The following SPAST variants were observed in gnomAD, a reference collection of about 807,000 sequenced individuals.
The protein encoded by SPAST is spastic paraplegia 4 (autosomal dominant; spastin).
In SPAST, 30 loss-of-function variants were observed where a neutral mutation model predicts 76.6. That is an observed-to-expected ratio of 0.39 (90% CI 0.29 to 0.53). SPAST has a LOEUF of 0.53. Ranked by LOEUF, SPAST falls within the 20% of genes least tolerant of loss-of-function variation. SPAST has a pLI of 0.68. For missense variants in SPAST, 717 were observed against 770.5 expected, an observed-to-expected ratio of 0.93 and a Z score of 0.82; for synonymous variants, 305 against 281.0, an observed-to-expected ratio of 1.09 and a Z score of -0.86.
At chr2:32,091,298 C>A (rs184700609) in intron 3 of SPAST, among the ~76,000 whole-genome samples, 5 of 127,060 alleles carry the variant, frequency 3.9e-5, no homozygotes, top group Admixed American at 8.1e-5. Flanking sequence ...TATTATTATT[C>A]GAGATGGAGT....
At chr2:32,084,524 A>G (rs1269927695) in intron 1 of SPAST, among the ~76,000 whole-genome samples, 1 of 152,136 alleles carries the variant, frequency 6.6e-6, no homozygotes, top group Non-Finnish European at 1.5e-5. Flanking sequence ...GGGGACAGGT[A>G]GAAAAATGTT....
At chr2:32,151,364 T>C (rs528930165) in intron 16 of SPAST, among the ~76,000 whole-genome samples, 1 of 152,302 alleles carries the variant, frequency 6.6e-6, no homozygotes, top group Non-Finnish European at 1.5e-5. Flanking sequence ...GCACTTAAAG[T>C]AGCTGGCACG....
At chr2:32,076,733 A>G (rs1316091133) in intron 1 of SPAST, among the ~76,000 whole-genome samples, 1 of 151,920 alleles carries the variant, frequency 6.6e-6, no homozygotes, top group East Asian at 1.9e-4. Flanking sequence ...GTAGTCCTTA[A>G]ATGAAATGGA....
Position 32,067,304 on chromosome 2 carries a change from C to T in SPAST, c.415+3058C>T, listed in dbSNP as rs560493855. 6.6e-5 allele frequency among the ~76,000 whole-genome samples: 10 copies of T among 152,182 alleles called. No homozygotes were observed. In the East Asian group the frequency reaches 1.2e-3, roughly 18 times the overall value. On this transcript the variant is annotated intron_variant, in intron 1 of 16. Transcript: ENST00000315285. ...TTCGAGCTCCTGACCTCAAGTGAAC[C>T]GCCCTCCTTGGCCTCCCAAAGTGCT...
Position 32,157,194 on chromosome 2 carries a change from G to A in SPAST, c.*2698G>A, listed in dbSNP as rs1047373120. The A allele has an allele frequency of 6.6e-6, 1 of 152,530 alleles. No homozygotes were observed. Among genetic ancestry groups the A allele is most frequent in the Non-Finnish European group, 1.5e-5 (1 of 67,996 alleles). 9.4% of individuals were successfully genotyped at this position (152,530 alleles called of 1,614,324 possible). The stretch of plus-strand genomic sequence containing the variant: ...CTTCATGTTAATATGGCAGAGTTTT[G>A]TAAACTAAATTAAAACTTACTGATA... On this transcript the variant is annotated 3_prime_UTR_variant, in exon 17 of 17. Transcript: ENST00000315285.
intron 12 of SPAST, among the ~76,000 whole-genome samples, chr2:32,140,039 T>C (rs1679666428): frequency 6.6e-6 from 1 of 152,296 alleles, no homozygotes; most frequent in South Asian, 2.1e-4. Flanking sequence ...TTAATTTTTT[T>C]CCCTAGTTCA....
At chr2:32,146,255 C>T (rs1679881666) in intron 15 of SPAST, among the ~76,000 whole-genome samples, 1 of 152,124 alleles carries the variant, frequency 6.6e-6, no homozygotes, top group Non-Finnish European at 1.5e-5. Context: ...AAAAGATTCG[C>T]ATCCATTAAA....
chr2:32,150,434 A>ATTTAT (rs1558345395), intron 16 of SPAST, among the ~76,000 whole-genome samples: 1 of 150,120 alleles, frequency 6.7e-6, no homozygotes, highest in South Asian at 2.1e-4. Flanking sequence ...ATTTAATTTA[A>ATTTAT]TTTATTTTTA....
intron 1 of SPAST, among the ~76,000 whole-genome samples, chr2:32,079,709 C>A (rs751061801): frequency 3.9e-5 from 6 of 151,998 alleles, no homozygotes; most frequent in Non-Finnish European, 7.4e-5. Flanking sequence ...CAGGTGTGCA[C>A]CATCATGCCT....
chr2:32,135,948 G>A (rs1311678257), intron 9 of SPAST, among the ~76,000 whole-genome samples: 1 of 151,858 alleles, frequency 6.6e-6, no homozygotes, highest in African/African-American at 2.4e-5. Context: ...CGTGGTGGTG[G>A]GCGCCTGTAA....
chr2:32,076,473 C>G (rs769401693), intron 1 of SPAST, among the ~76,000 whole-genome samples: 13 of 152,088 alleles, frequency 8.5e-5, no homozygotes, highest in Non-Finnish European at 1.8e-4. Context: ...CCTCCTACCT[C>G]AGTCTTCCAA....
At chr2:32,123,841 A>T (rs886581741) in intron 7 of SPAST, among the ~76,000 whole-genome samples, 3 of 152,238 alleles carry the variant, frequency 2.0e-5, no homozygotes, top group Admixed American at 1.3e-4. Flanking sequence ...TAATCTAGAC[A>T]CAGACCTGAC....
chr2:32,087,752 G>T (rs1487394721), intron 2 of SPAST, among the ~76,000 whole-genome samples, 174 bp downstream of exon 2: 3 of 135,498 alleles, frequency 2.2e-5, no homozygotes, highest in Non-Finnish European at 4.6e-5. Flanking sequence ...CTGGAGTGCA[G>T]TGATGTGATC....
chr2:32,110,529 GTGT>G (rs1678518833), intron 4 of SPAST, among the ~76,000 whole-genome samples: 1 of 49,194 alleles, frequency 2.0e-5, no homozygotes, highest in Non-Finnish European at 4.1e-5. Context: ...ACTATATAGT[GTGT>G]ATATATAGTA....
chr2:32,078,336 C>G (rs1677058763), intron 1 of SPAST, among the ~76,000 whole-genome samples: 1 of 152,146 alleles, frequency 6.6e-6, no homozygotes, highest in Non-Finnish European at 1.5e-5. Flanking sequence ...CCATGCCTGG[C>G]TAATTTTTGT....
At chr2:32,084,028 T>G (rs547844071) in intron 1 of SPAST, among the ~76,000 whole-genome samples, 2 of 150,800 alleles carry the variant, frequency 1.3e-5, no homozygotes, top group African/African-American at 4.9e-5. Context: ...ATCCACCCGC[T>G]TCAGCCTCCC....
At chr2:32,125,617 T>TAAAG (rs2148743466) in intron 7 of SPAST, among the ~76,000 whole-genome samples, 1 of 152,240 alleles carries the variant, frequency 6.6e-6, no homozygotes, top group South Asian at 2.1e-4. Context: ...GTGAGATGTT[T>TAAAG]TCAGTCTGGA....
chr2:32,068,618 C>T (rs1676622267), intron 1 of SPAST, among the ~76,000 whole-genome samples: 1 of 152,136 alleles, frequency 6.6e-6, no homozygotes, highest in Non-Finnish European at 1.5e-5. Context: ...GCCACCGTGC[C>T]CAGCCTTGAC....
In SPAST at chr2:32,149,256, AT is replaced by A. The variant is rs59020104; in HGVS notation, c.1728+2012del. The stretch of plus-strand genomic sequence containing the variant: ...AGGCATGGGCCACCACGCCCAGCTA[AT>A]TTTTTTTTTTTTTGTATTTTTAGTA... On this transcript the variant is annotated intron_variant, in intron 16 of 16. Transcript: ENST00000315285. Among the ~76,000 whole-genome samples the A allele has an allele frequency of 2.4e-5, 3 of 123,580 alleles. No individual in the cohort carries two copies. The East Asian group carries it at 7.3e-4, about 30-fold the overall frequency. The allele number at this position is 123,580 out of a possible 152,430, so 81.1% of individuals were successfully genotyped here.
Sources: gnomAD v4.1 joint callset for allele counts (sites outside exome capture counted in the v4.1 genomes callset) on GRCh38, gnomAD v4.1.1 for gene constraint, MANE v1.5 for transcripts, NCBI Gene and HGNC (gene_info 2026-07-23, HGNC 2026-07-21) for gene names.